Variants in SENP5 observed in about 807,000 individuals in gnomAD.
SENP5 encodes the protein sentrin-specific protease 5.
A neutral mutation model predicts 74.2 loss-of-function variants in SENP5; 21 were observed. The ratio of observed to expected loss-of-function variants is 0.28; its 90% CI spans 0.20 to 0.41. The LOEUF is 0.41. Among genes scored for constraint, SENP5 ranks in the 10% least tolerant of loss-of-function variants. SENP5 has a pLI of 1.00. For synonymous variants in SENP5, 311 were observed against 312.7 expected (o/e 0.99, Z 0.06); for missense variants, 717 against 889.1 (o/e 0.81, Z 2.46).
chr3:196,870,233 C>T (rs1483136087), intron 1 of SENP5, among the ~76,000 whole-genome samples: 1 of 152,146 alleles, frequency 6.6e-6, no homozygotes, highest in Non-Finnish European at 1.5e-5. Context: ...AAGGTGGTCA[C>T]AGTGCTTTAC....
chr3:196,911,712 A>G (rs1715141403), intron 6 of SENP5, among the ~76,000 whole-genome samples: 1 of 152,174 alleles, frequency 6.6e-6, no homozygotes, highest in Admixed American at 6.6e-5. Context: ...CGGGAGGCTG[A>G]GGCAGGAGAA....
At chr3:196,915,825 G>T (rs903125578) in intron 6 of SENP5, among the ~76,000 whole-genome samples, 2 of 152,166 alleles carry the variant, frequency 1.3e-5, no homozygotes, top group Non-Finnish European at 2.9e-5. Context: ...AGCCTGCAAG[G>T]GTCACAGTCT....
In SENP5 at chr3:196,934,546, C is replaced by A. The variant is rs894377226; in HGVS notation, c.*3623C>A. 6.6e-6 allele frequency: 1 copy of A among 152,156 alleles called. No individual in the cohort carries two copies. The highest frequency in any genetic ancestry group is 2.4e-5 in the African/African-American group (1 of 41,410). 9.4% of individuals were successfully genotyped at this position (152,156 alleles called of 1,614,324 possible). A position where few individuals can be genotyped will look rare whatever the true frequency, so the allele number is the denominator to read the frequency against. On this transcript the variant is annotated 3_prime_UTR_variant, in exon 10 of 10. Transcript: ENST00000323460. ...CCCAGGGAATACCAGCAGAGAAGTGCTAATTGTATTTGGGTGTTACAAAAG... is the reference window on the plus strand; with the variant it reads ...CCCAGGGAATACCAGCAGAGAAGTGATAATTGTATTTGGGTGTTACAAAAG...
chr3:196,930,651 A>G (rs1441165362), intron 9 of SENP5, among the ~76,000 whole-genome samples, 162 bp from the exon 10 acceptor site: 1 of 152,054 alleles, frequency 6.6e-6, no homozygotes, highest in African/African-American at 2.4e-5. Flanking sequence ...CCTCTCCCCC[A>G]AGTCTGTGGA....
chr3:196,879,451 C>A (rs1290718320), intron 1 of SENP5, among the ~76,000 whole-genome samples: 5 of 152,156 alleles, frequency 3.3e-5, no homozygotes, highest in African/African-American at 1.2e-4. Context: ...TCTGTTTCTC[C>A]TTTATTTGCT....
intron 2 of SENP5, 93 bp downstream of exon 2, chr3:196,886,787 T>C (rs923327886): frequency 4.9e-6 from 5 of 1,022,258 alleles, no homozygotes; most frequent in Non-Finnish European, 5.5e-6. Flanking sequence ...TTTCTCCCAC[T>C]CATGAATATT....
At chr3:196,919,012 C>T (rs1446131816) in intron 6 of SENP5, among the ~76,000 whole-genome samples, 1 of 152,008 alleles carries the variant, frequency 6.6e-6, no homozygotes, top group Non-Finnish European at 1.5e-5. Flanking sequence ...TCCACACATA[C>T]CTAACACTGG....
intron 2 of SENP5, among the ~76,000 whole-genome samples, chr3:196,889,889 T>C (rs964289235): frequency 2.0e-5 from 3 of 152,148 alleles, no homozygotes; most frequent in African/African-American, 7.2e-5. Context: ...GGGACACCCA[T>C]GGTAAGGACT....
rs1393451298 is a variant in SENP5, at chr3:196,930,801, T to G, written c.2158-12T>G. On this transcript the variant is annotated splice_polypyrimidine_tract_variant and intron_variant, in intron 9 of 9. Coordinates refer to ENST00000323460, the MANE Select transcript of SENP5 (RefSeq NM_152699.5). ...TGCCACTGAAGTGTTTCTGGGACCTTTTTTTTTGCAGTACTGCAAGTGCCT... is the reference window on the plus strand; with the variant it reads ...TGCCACTGAAGTGTTTCTGGGACCTGTTTTTTTGCAGTACTGCAAGTGCCT... 3 of 1,265,458 alleles carry G rather than the reference T, an allele frequency of 2.4e-6. No individual in the cohort carries two copies. Among genetic ancestry groups the G allele is most frequent in the East Asian group, 6.3e-5 (2 of 31,726 alleles). The allele number at this position is 1,265,458 out of a possible 1,614,324, so 78.4% of individuals were successfully genotyped here.
intron 6 of SENP5, chr3:196,904,834 T>C (rs1227105966): frequency 6.6e-6 from 1 of 152,190 alleles, no homozygotes; most frequent in African/African-American, 2.4e-5. Context: ...TTAGAGGGTT[T>C]AAGCAGCAGG....
chr3:196,929,494 C>T (rs1321135122), intron 8 of SENP5, 139 bp from the exon 9 acceptor site: 3 of 562,944 alleles, frequency 5.3e-6, no homozygotes, highest in African/African-American at 2.0e-5. Context: ...AAATTAGATG[C>T]TTGAGATATC....
chr3:196,914,586 A>AAAAAAAAATATATAT lies in SENP5; in HGVS notation c.1885-8827_1885-8826insAAAAAAATATATATA. On this transcript the variant is annotated intron_variant, in intron 6 of 9. Coordinates refer to ENST00000323460, the MANE Select transcript of SENP5 (RefSeq NM_152699.5). Reference sequence around the variant, plus strand: ...CTTTAAAAAAAAAAAAAAAAAAAAAAATATATATATATATATATATATATA... The same window carrying AAAAAAAAATATATAT: ...CTTTAAAAAAAAAAAAAAAAAAAAAAAAAAAAAATATATATATATATATATATATATATATATATA... 3.6e-4 allele frequency: 12 copies of AAAAAAAAATATATAT among 33,490 alleles called. 1 individual carries two copies. The highest frequency in any genetic ancestry group is 1.6e-3 in the African/African-American group (9 of 5,586). 2.1% of individuals were successfully genotyped at this position (33,490 alleles called of 1,614,324 possible). A position where few individuals can be genotyped will look rare whatever the true frequency, so the allele number is the denominator to read the frequency against.
At chr3:196,900,306 T>C in intron 4 of SENP5, 59 bp from the exon 5 acceptor site, 1 of 1,500,806 alleles carries the variant, frequency 6.7e-7, no homozygotes, top group East Asian at 2.3e-5. Context: ...TATTTTGTTT[T>C]TCTTTCTCCA....
chr3:196,917,075 A>G (rs1448508205), intron 6 of SENP5, among the ~76,000 whole-genome samples: 16 of 152,088 alleles, frequency 1.1e-4, no homozygotes, highest in Admixed American at 9.8e-4. Flanking sequence ...CAGAAATTGC[A>G]GTGAGCCAAG....
intron 9 of SENP5, among the ~76,000 whole-genome samples, chr3:196,930,504 C>G (rs1170331728): frequency 6.6e-6 from 1 of 152,162 alleles, no homozygotes; most frequent in Non-Finnish European, 1.5e-5. Context: ...AACCCCTGGG[C>G]CACGGACAGA....
chr3:196,923,386 C>T, intron 6 of SENP5, 28 bp from the exon 7 acceptor site: 1 of 1,589,394 alleles, frequency 6.3e-7, no homozygotes, highest in Non-Finnish European at 8.5e-7. Context: ...GTGGTGATGG[C>T]TGCATTTCTT....
intron 8 of SENP5, 113 bp from the exon 9 acceptor site, chr3:196,929,520 C>G: frequency 1.5e-6 from 1 of 645,998 alleles, no homozygotes; most frequent in Non-Finnish European, 2.7e-6. Flanking sequence ...TACCAGCTGT[C>G]CTGGAGAGAG....
intron 8 of SENP5, among the ~76,000 whole-genome samples, chr3:196,928,718 A>C (rs746524618): frequency 2.0e-5 from 3 of 152,160 alleles, no homozygotes; most frequent in Non-Finnish European, 4.4e-5. Context: ...AACCGAACCA[A>C]ATGCTAAATT....
chr3:196,930,444 T>G (rs1272877281), intron 9 of SENP5, among the ~76,000 whole-genome samples: 1 of 152,184 alleles, frequency 6.6e-6, no homozygotes, highest in African/African-American at 2.4e-5. Flanking sequence ...CAGTGTATTT[T>G]TACAGTAGTT....
Sources: gnomAD v4.1 joint callset for allele counts (sites outside exome capture counted in the v4.1 genomes callset) on GRCh38, gnomAD v4.1.1 for gene constraint, MANE v1.5 for transcripts, NCBI Gene and HGNC (gene_info 2026-07-23, HGNC 2026-07-21) for gene names.